ADAMTS9: variants seen among roughly 807,000 people sequenced by gnomAD.
ADAMTS9 encodes A disintegrin and metalloproteinase with thrombospondin motifs 9.
In ADAMTS9, 107 loss-of-function variants were observed where a neutral mutation model predicts 257.1. That is an observed-to-expected ratio of 0.42 (90% CI 0.36 to 0.49). ADAMTS9 has a LOEUF of 0.49. Ranked by LOEUF, ADAMTS9 falls within the 20% of genes least tolerant of loss-of-function variation. The pLI, the probability that ADAMTS9 is intolerant of heterozygous loss-of-function variation, is 0.03. For missense variants in ADAMTS9, 2,353 were observed against 2,469.1 expected, an observed-to-expected ratio of 0.95 and a Z score of 1.00; for synonymous variants, 982 against 880.9, an observed-to-expected ratio of 1.11 and a Z score of -2.03.
chr3:64,524,680 A>G (rs1172171125), intron 38 of ADAMTS9, among the ~76,000 whole-genome samples: 1 of 152,230 alleles, frequency 6.6e-6, no homozygotes, highest in Non-Finnish European at 1.5e-5. Flanking sequence ...ACATACAAAT[A>G]TACCATTGAT....
intron 12 of ADAMTS9, among the ~76,000 whole-genome samples, chr3:64,638,107 C>T (rs909972514): frequency 1.3e-5 from 2 of 152,164 alleles, no homozygotes; most frequent in Non-Finnish European, 1.5e-5. Flanking sequence ...GTTCATAATC[C>T]TTTTAACCCT....
rs1480840967 is a variant in ADAMTS9, at chr3:64,541,429, A to G, written c.5293-15T>C. On this transcript the variant is annotated splice_polypyrimidine_tract_variant and intron_variant, in intron 34 of 39. Transcript: ENST00000498707. Reference sequence around the variant, plus strand: ...GCACAGAATATCTGAAAGACCATAAATAACCCATGAAGAGTGGCTCAGAAA... The same window carrying G: ...GCACAGAATATCTGAAAGACCATAAGTAACCCATGAAGAGTGGCTCAGAAA... The G allele has an allele frequency of 6.2e-7, 1 of 1,613,408 alleles. No homozygotes were observed. Among genetic ancestry groups the G allele is most frequent in the Non-Finnish European group, 8.5e-7 (1 of 1,179,438 alleles).
chr3:64,617,251 G>C (rs1348128969), intron 19 of ADAMTS9, among the ~76,000 whole-genome samples: 1 of 152,062 alleles, frequency 6.6e-6, no homozygotes, highest in East Asian at 1.9e-4. Flanking sequence ...TTTGATTCTT[G>C]GCTACCTTCT....
rs751035007 is a variant in ADAMTS9 at position 64,631,444 on chromosome 3, T to C, written c.2389+11A>G. The C allele has an allele frequency of 1.2e-6, 2 of 1,609,178 alleles. No homozygotes were observed. The highest frequency in any genetic ancestry group is 8.5e-7 in the Non-Finnish European group (1 of 1,175,532). Reference sequence around the variant, plus strand: ...ACCAGAACTCGCAAGTAGTGAGGCATCCCATCTCACCTAAGTAGTTGTCAT... The same window carrying C: ...ACCAGAACTCGCAAGTAGTGAGGCACCCCATCTCACCTAAGTAGTTGTCAT... On this transcript the variant is annotated intron_variant, in intron 16 of 39. Coordinates refer to ENST00000498707, the MANE Select transcript of ADAMTS9 (RefSeq NM_182920.2).
chr3:64,571,718 A>G (rs887009091), intron 28 of ADAMTS9, among the ~76,000 whole-genome samples: 16 of 152,088 alleles, frequency 1.1e-4, no homozygotes, highest in Admixed American at 6.5e-4. Flanking sequence ...GATAGCAAAT[A>G]CTCTTCTTTT....
At chr3:64,656,777 G>C (rs1486572696) in intron 4 of ADAMTS9, among the ~76,000 whole-genome samples, 6 of 152,100 alleles carry the variant, frequency 3.9e-5, no homozygotes, top group Non-Finnish European at 8.8e-5. Flanking sequence ...ACGGAGGCCA[G>C]GCAGGGTTGG....
intron 27 of ADAMTS9, 55 bp downstream of exon 27, chr3:64,596,775 T>C: frequency 6.2e-7 from 1 of 1,600,180 alleles, no homozygotes; most frequent in Admixed American, 1.7e-5. Flanking sequence ...GAATGATAAA[T>C]ACAGTTTGGT....
intron 11 of ADAMTS9, 80 bp from the exon 12 acceptor site, chr3:64,642,073 A>G: frequency 5.4e-6 from 8 of 1,488,340 alleles, no homozygotes; most frequent in Non-Finnish European, 7.4e-6. Context: ...TAAACACACC[A>G]TACTGTAATT....
chr3:64,635,515 C>T (rs1298345511), intron 12 of ADAMTS9, among the ~76,000 whole-genome samples: 1 of 152,186 alleles, frequency 6.6e-6, no homozygotes, highest in Admixed American at 6.5e-5. Flanking sequence ...GCATTAAGCA[C>T]AATTAAGCCC....
At chr3:64,629,148 G>A (rs538316401) in intron 16 of ADAMTS9, among the ~76,000 whole-genome samples, 31 of 152,110 alleles carry the variant, frequency 2.0e-4, no homozygotes, top group African/African-American at 6.3e-4. Context: ...CACTTTCACT[G>A]CTCCCATTGG....
At chr3:64,655,916 C>G in intron 4 of ADAMTS9, 41 bp from the exon 5 acceptor site, 1 of 1,328,994 alleles carries the variant, frequency 7.5e-7, no homozygotes, top group Non-Finnish European at 1.0e-6. Flanking sequence ...TTGTGAACTC[C>G]GTGTAAGCAA....
At position 64,677,239 on chromosome 3, in the gene ADAMTS9, G is replaced by C. The variant is rs188470453; in HGVS notation, c.679+3962C>G. On this transcript the variant is annotated intron_variant, in intron 3 of 39. Coordinates refer to ENST00000498707, the MANE Select transcript of ADAMTS9 (RefSeq NM_182920.2). ...CAGTCACAAGGGCATGCCATAGGGA[G>C]AGAAGACACCCCACTTCCCATCGTG... Among the ~76,000 whole-genome samples the C allele has an allele frequency of 7.2e-5, 11 of 152,222 alleles. No homozygotes were observed. The East Asian group carries it at 1.9e-3, about 27-fold the overall frequency.
intron 11 of ADAMTS9, among the ~76,000 whole-genome samples, chr3:64,644,403 T>A (rs1700734287): frequency 6.6e-6 from 1 of 152,166 alleles, no homozygotes; most frequent in Non-Finnish European, 1.5e-5. Flanking sequence ...AGGGGACAAT[T>A]TCCGACATCT....
Position 64,534,716 on chromosome 3 carries a change from C to T in ADAMTS9, c.5614-1446G>A, listed in dbSNP as rs1281308937. Among the ~76,000 whole-genome samples the T allele has an allele frequency of 3.9e-5, 6 of 152,182 alleles. No individual in the cohort carries two copies. The East Asian group carries it at 5.8e-4, about 15-fold the overall frequency. On this transcript the variant is annotated intron_variant, in intron 37 of 39. Transcript: ENST00000498707. ...TAAATCAGTGGTTCTCAACAGGGCA[C>T]GATTTTGACCCCAGGGGAAATCTGG... is the stretch of plus-strand genomic sequence containing the variant.
In ADAMTS9 at chr3:64,598,560, T is replaced by A. The variant is rs1160855231; in HGVS notation, c.4018-1569A>T. ...GTCTCGAACTCTTGGCCTCAAGCAA[T>A]CCTCCTGTCTTAGCCTCCCAAAATG... On this transcript the variant is annotated intron_variant, in intron 26 of 39. Coordinates refer to ENST00000498707, the MANE Select transcript of ADAMTS9 (RefSeq NM_182920.2). 2.6e-5 allele frequency among the ~76,000 whole-genome samples: 4 copies of A among 152,226 alleles called. No homozygotes were observed. In the South Asian group the frequency reaches 8.3e-4, roughly 32 times the overall value.
intron 25 of ADAMTS9, 37 bp downstream of exon 25, chr3:64,603,885 C>G (rs1221424529): frequency 6.2e-7 from 1 of 1,608,450 alleles, no homozygotes; most frequent in African/African-American, 1.3e-5. Context: ...CAATGTTTCC[C>G]CCATTCCCCC....
intron 28 of ADAMTS9, chr3:64,584,204 ATAGCAGTCGAT>A (rs2084085553): frequency 6.6e-6 from 1 of 152,148 alleles, no homozygotes; most frequent in South Asian, 2.1e-4. Context: ...TGTGGACTGG[ATAGCAGTCGAT>A]TAAGAAAAGG....
At chr3:64,585,049 ATTCAT>A (rs1393983094) in intron 28 of ADAMTS9, among the ~76,000 whole-genome samples, 3 of 152,144 alleles carry the variant, frequency 2.0e-5, no homozygotes, top group Non-Finnish European at 4.4e-5. Context: ...GAGCTCATTC[ATTCAT>A]TTCAACATTG....
At chr3:64,682,979 T>C (rs1009750340) in intron 2 of ADAMTS9, among the ~76,000 whole-genome samples, 1 of 152,228 alleles carries the variant, frequency 6.6e-6, no homozygotes, top group Non-Finnish European at 1.5e-5. Flanking sequence ...AATGTTTTTG[T>C]TTTTTGTTTT....
Sources: allele counts gnomAD v4.1 joint callset (sites outside exome capture counted in the v4.1 genomes callset), GRCh38; gene constraint gnomAD v4.1.1; transcripts MANE v1.5; gene names NCBI Gene and HGNC (gene_info 2026-07-23, HGNC 2026-07-21).